The following FAM83D variants were observed in gnomAD, a reference collection of about 807,000 sequenced individuals.
FAM83D encodes protein FAM83D.
In FAM83D, 26 loss-of-function variants were observed where a neutral mutation model predicts 25.4. The ratio of observed to expected loss-of-function variants is 1.02; its 90% CI spans 0.75 to 1.42. FAM83D has a LOEUF of 1.42. Among genes scored for constraint, FAM83D ranks in the 40% most tolerant of loss-of-function variants. The probability of loss-of-function intolerance (pLI) is 0.00; values close to 1 mark genes in which losing one functional copy is unlikely to be tolerated. For missense variants in FAM83D, 740 were observed against 758.1 expected (o/e 0.98, Z 0.28); for synonymous variants, 310 against 318.5 (o/e 0.97, Z 0.28).
At chr20:38,929,189 A>G (rs1439337674) in intron 1 of FAM83D, among the ~76,000 whole-genome samples, 1 of 152,032 alleles carries the variant, frequency 6.6e-6, no homozygotes, top group Admixed American at 6.6e-5. Context: ...GAAAAAAAAA[A>G]AAAAAAAAAT....
rs146890928 is a variant in FAM83D at position 38,942,640 on chromosome 20, G to A, written c.651+514G>A. Among the ~76,000 whole-genome samples, 464 of 152,262 alleles carry A rather than the reference G, an allele frequency of 3.0e-3. 4 individuals are homozygous for A. The highest frequency in any genetic ancestry group is 0.011 in the African/African-American group (443 of 41,568). On this transcript the variant is annotated intron_variant, in intron 2 of 3. Coordinates refer to ENST00000619850, the MANE Select transcript of FAM83D (RefSeq NM_030919.3). ...AGTGGTTGCCTAGGGCTGGGGAGTT[G>A]GGGGAAGGACGGGATTATTGCTAAA...
chr20:38,940,944 C>T (rs1030576552), intron 1 of FAM83D, among the ~76,000 whole-genome samples: 13 of 152,152 alleles, frequency 8.5e-5, no homozygotes, highest in Admixed American at 3.3e-4. Context: ...ATTTAGTTCT[C>T]GATACAACCC....
intron 1 of FAM83D, among the ~76,000 whole-genome samples, chr20:38,935,527 C>G (rs1313131537): frequency 6.6e-6 from 1 of 152,184 alleles, no homozygotes; most frequent in Non-Finnish European, 1.5e-5. Flanking sequence ...ACTGCAGCCT[C>G]GACCTCCCAG....
chr20:38,933,540 A>C (rs990202852), intron 1 of FAM83D, among the ~76,000 whole-genome samples: 2 of 152,204 alleles, frequency 1.3e-5, no homozygotes, highest in Non-Finnish European at 2.9e-5. Flanking sequence ...GACATTACCC[A>C]CTGGACTGAA....
chr20:38,947,892 C>A lies in FAM83D; in HGVS notation c.668C>A (p.Thr223Asn), dbSNP rs774220063. 1.4e-5 allele frequency: 22 copies of A among 1,613,998 alleles called. No individual in the cohort carries two copies. The African/African-American group carries it at 2.1e-4, about 16-fold the overall frequency. The change falls in exon 3 of 4, where the codon ACT (threonine) becomes AAT (asparagine). Residue 223 changes from threonine (T) to asparagine (N), a missense_variant. By Grantham distance (65) the Thr-to-Asn change is moderately conservative. Coordinates refer to ENST00000619850, the MANE Select transcript of FAM83D (RefSeq NM_030919.3). ...TGCCAACAGTTAATGACAGTTCGGA[C>A]TATCACAGGAAATATCTACTATGCA... ...PEQEKLMTVR[T>N]ITGNIYYARS...
intron 1 of FAM83D, among the ~76,000 whole-genome samples, chr20:38,928,919 C>T (rs541281423): frequency 2.6e-5 from 4 of 152,288 alleles, no homozygotes; most frequent in South Asian, 4.1e-4. Context: ...TGGCTCAAGC[C>T]TGTAATCCCA....
chr20:38,950,875 A>G (rs1310025599), intron 3 of FAM83D, among the ~76,000 whole-genome samples: 1 of 151,998 alleles, frequency 6.6e-6, no homozygotes, highest in Non-Finnish European at 1.5e-5. Context: ...TGGAATGTGC[A>G]GTGGTGTGAC....
In FAM83D at chr20:38,937,123, C is replaced by T. The variant is rs548423967; in HGVS notation, c.484-4836C>T. Among the ~76,000 whole-genome samples, 6 of 152,312 alleles carry T rather than the reference C, an allele frequency of 3.9e-5. No individual in the cohort carries two copies. The East Asian group carries it at 5.8e-4, about 15-fold the overall frequency. ...CATTATGCCCCTGACCAGCTGGATG[C>T]GTCCTCCTCACGTCTCCTGTTGTAA... On this transcript the variant is annotated intron_variant, in intron 1 of 3. Coordinates refer to ENST00000619850, the MANE Select transcript of FAM83D (RefSeq NM_030919.3).
In FAM83D at chr20:38,951,702, C is replaced by G. The variant is rs1333035728; in HGVS notation, c.940C>G (p.Leu314Val). 3.1e-6 allele frequency: 5 copies of G among 1,614,078 alleles called. No homozygotes were observed. Among genetic ancestry groups the G allele is most frequent in the Non-Finnish European group, 2.5e-6 (3 of 1,180,046 alleles). Residue 314 changes from leucine to valine, a missense_variant, in exon 4 of 4, where the codon CTC becomes GTC. Physicochemically the swap from Leu to Val is conservative, Grantham distance 32 (BLOSUM62 1). Transcript: ENST00000619850. ...HFQSSNKFDH[L>V]TNRKPQSKEL... ...CCAGAGCAGCAACAAGTTTGATCAC[C>G]TCACCAACCGAAAACCACAGTCCAA... is the stretch of plus-strand genomic sequence containing the variant.
rs2085638614 is a variant in FAM83D at position 38,926,939 on chromosome 20, C to A, written c.483+14C>A. 7.0e-7 allele frequency: 1 copy of A among 1,437,988 alleles called. No individual in the cohort carries two copies. The highest frequency in any genetic ancestry group is 2.8e-5 in the Admixed American group (1 of 35,786). 89.1% of individuals were successfully genotyped at this position (1,437,988 alleles called of 1,614,324 possible). Reference sequence around the variant, plus strand: ...TCGGCGCGAGAGGTGAGCGGCCCTCCAGGGCCCTGGGTCGCACGGGAGACC... The same window carrying A: ...TCGGCGCGAGAGGTGAGCGGCCCTCAAGGGCCCTGGGTCGCACGGGAGACC... On this transcript the variant is annotated intron_variant, in intron 1 of 3. Transcript: ENST00000619850.
chr20:38,929,223 C>T (rs1468613532), intron 1 of FAM83D, among the ~76,000 whole-genome samples: 1 of 151,750 alleles, frequency 6.6e-6, no homozygotes, highest in Non-Finnish European at 1.5e-5. Context: ...TCAGTGTGTC[C>T]GATAGATGCC....
chr20:38,937,162 A>C (rs1272259437), intron 1 of FAM83D, among the ~76,000 whole-genome samples: 1 of 152,158 alleles, frequency 6.6e-6, no homozygotes, highest in East Asian at 1.9e-4. Context: ...ACTTGCACTG[A>C]GTTGCAAATT....
chr20:38,927,005 G>T (rs2085638894), intron 1 of FAM83D, 80 bp downstream of exon 1: 8 of 1,398,798 alleles, frequency 5.7e-6, no homozygotes, highest in Non-Finnish European at 7.4e-6. Context: ...GGGAGTACGG[G>T]CCGGGGCCAC....
chr20:38,943,651 A>C (rs1437891781), intron 2 of FAM83D, among the ~76,000 whole-genome samples: 1 of 152,194 alleles, frequency 6.6e-6, no homozygotes, highest in African/African-American at 2.4e-5. Context: ...GAAAGAAGAA[A>C]GAAAAATTGT....
chr20:38,943,689 G>A (rs1266283850), intron 2 of FAM83D, among the ~76,000 whole-genome samples: 1 of 152,058 alleles, frequency 6.6e-6, no homozygotes, highest in African/African-American at 2.4e-5. Flanking sequence ...TTGTTTTTTT[G>A]TTGTTGTTGT....
chr20:38,930,622 AG>A (rs1039639887), intron 1 of FAM83D, among the ~76,000 whole-genome samples: 1 of 152,006 alleles, frequency 6.6e-6, no homozygotes, highest in Non-Finnish European at 1.5e-5. Flanking sequence ...CTGGGATTAC[AG>A]GAGCACACCA....
chr20:38,945,513 T>G (rs2085723117), intron 2 of FAM83D, among the ~76,000 whole-genome samples: 1 of 152,102 alleles, frequency 6.6e-6, no homozygotes, highest in Non-Finnish European at 1.5e-5. Context: ...CTTACAAACC[T>G]CAGTACAAAT....
chr20:38,926,712 C>A lies in FAM83D; in HGVS notation c.270C>A (p.Phe90Leu), dbSNP rs958335069. The A allele has an allele frequency of 9.9e-6, 15 of 1,520,858 alleles. No individual in the cohort carries two copies. Among genetic ancestry groups the A allele is most frequent in the Non-Finnish European group, 1.1e-5 (13 of 1,141,084 alleles). 94.2% of individuals were successfully genotyped at this position (1,520,858 alleles called of 1,614,324 possible). ...CGGCGGCGGCGGCCGAGGACTCGTT[C>A]GGCTCCTCGCACGACTGCTCTTCGG... ...AAAAAAAEDS[F>L]GSSHDCSSGT... Residue 90 changes from phenylalanine (F) to leucine (L), a missense_variant, in exon 1 of 4, where the codon TTC becomes TTA. Physicochemically the swap from Phe to Leu is conservative, Grantham distance 22. Transcript: ENST00000619850.
At chr20:38,942,725 C>T (rs1442297334) in intron 2 of FAM83D, among the ~76,000 whole-genome samples, 5 of 152,136 alleles carry the variant, frequency 3.3e-5, no homozygotes, top group African/African-American at 1.2e-4. Context: ...AATTGACTAA[C>T]GGTGATGATG....
Sources: allele counts gnomAD v4.1 joint callset (sites outside exome capture counted in the v4.1 genomes callset), GRCh38; gene constraint gnomAD v4.1.1; transcripts MANE v1.5; gene names NCBI Gene and HGNC (gene_info 2026-07-23, HGNC 2026-07-21).